CENPV: variants seen among roughly 807,000 people sequenced by gnomAD.
CENPV encodes the protein nuclear protein p30.
CENPV carries 15 observed loss-of-function variants against 26.4 expected under a neutral mutation model. That is an observed-to-expected ratio of 0.57 (90% CI 0.38 to 0.88). The LOEUF is 0.88. Ranked by LOEUF, CENPV falls within the 40% of genes least tolerant of loss-of-function variation. The pLI is 0.00. For missense variants in CENPV, 336 were observed against 376.5 expected (o/e 0.89, Z 0.89); for synonymous variants, 172 against 165.5 (o/e 1.04, Z -0.30).
At position 16,349,982 on chromosome 17, in the gene CENPV, G is replaced by T. The variant is rs1166007243; in HGVS notation, c.458C>A (p.Ala153Glu). 3.1e-6 allele frequency: 5 copies of T among 1,613,804 alleles called. No individual in the cohort carries two copies. The African/African-American group carries it at 5.3e-5, about 17-fold the overall frequency. ...TGAGGCCCAAACTTCAAAACGAACT[G>T]CTCCACAGTGGCAGCCTCCTGTGTG... ...VKHTGGCHCG[A>E]VRFEVWASAD... Residue 153 changes from alanine to glutamate, a missense_variant, in exon 2 of 5, where the codon GCA (alanine) becomes GAA (glutamate). Physicochemically the swap from Ala to Glu is moderately radical, Grantham distance 107 (BLOSUM62 -1). This residue lies in a region of CENPV where 155 missense variants were observed against 227.8 expected (regional missense o/e 0.68). Coordinates refer to ENST00000299736, the MANE Select transcript of CENPV (RefSeq NM_181716.3).
intron 1 of CENPV, among the ~76,000 whole-genome samples, chr17:16,352,240 C>T (rs2142903549): frequency 6.6e-6 from 1 of 152,322 alleles, no homozygotes; most frequent in East Asian, 1.9e-4. Context: ...AGGCAGGAAT[C>T]CAGATCGCAT....
rs780735851 is a variant in CENPV at position 16,353,360 on chromosome 17, G to A, written c.77C>T (p.Ala26Val). Reference sequence around the variant, plus strand: ...GGGTGCCAAGGCAGCGGCCGCGGAGGCCGCGGGGGCCGCGGAGGCCCCGGA... The same window carrying A: ...GGGTGCCAAGGCAGCGGCCGCGGAGACCGCGGGGGCCGCGGAGGCCCCGGA... ...KRSGASAAPA[A>V]SAAAALAPSA... The change falls in exon 1 of 5, where the codon GCC becomes GTC. Residue 26 changes from alanine to valine, a missense_variant. Physicochemically the swap from Ala to Val is moderately conservative, Grantham distance 64. Transcript: ENST00000299736. 1 of 1,241,748 alleles carries A rather than the reference G, an allele frequency of 8.1e-7. No individual in the cohort carries two copies. The highest frequency in any genetic ancestry group is 1.0e-6 in the Non-Finnish European group (1 of 997,968). 76.9% of individuals were successfully genotyped at this position (1,241,748 alleles called of 1,614,324 possible).
intron 4 of CENPV, 102 bp from the exon 5 acceptor site, chr17:16,343,043 T>TACA (rs1300354684): frequency 9.0e-6 from 12 of 1,327,640 alleles, no homozygotes; most frequent in Admixed American, 2.0e-5. Context: ...ATCATCACGC[T>TACA]ACACATTAGG....
chr17:16,344,409 A>C, intron 4 of CENPV, 188 bp downstream of exon 4: 1 of 351,116 alleles, frequency 2.8e-6, no homozygotes, highest in Non-Finnish European at 5.1e-6. Context: ...GGGATTCAGA[A>C]AAGTTTCACC....
rs757487167 is a variant in CENPV, at chr17:16,353,240, G to C, written c.197C>G (p.Ser66Trp). The C allele has an allele frequency of 9.3e-6, 13 of 1,401,992 alleles. No individual in the cohort carries two copies. The South Asian group carries it at 1.4e-4, about 15-fold the overall frequency. 86.8% of individuals were successfully genotyped at this position (1,401,992 alleles called of 1,614,324 possible). A position where few individuals can be genotyped will look rare whatever the true frequency, so the allele number is the denominator to read the frequency against. ...GCCCTCCTCCTGGGCCCGCGGCGAC[G>C]AGCGCCTCAGCCGCGGCTTCTCCGA... is the stretch of plus-strand genomic sequence containing the variant. The part of the protein sequence containing the change: ...PPSEKPRLRR[S>W]SPRAQEEGPG... Residue 66 changes from serine (S) to tryptophan (W), a missense_variant, in exon 1 of 5, where the codon TCG becomes TGG. By Grantham distance (177) the Ser-to-Trp change is radical. Coordinates refer to ENST00000299736, the MANE Select transcript of CENPV (RefSeq NM_181716.3).
At chr17:16,349,110 G>A in intron 2 of CENPV, 1 of 990,044 alleles carries the variant, frequency 1.0e-6, no homozygotes, top group Non-Finnish European at 1.2e-6. Context: ...AAGAAGTCCA[G>A]CTCCAAGTAA....
Position 16,345,065 on chromosome 17 carries a change from C to G in CENPV, c.580-354G>C, listed in dbSNP as rs1288283312. Among the ~76,000 whole-genome samples, 5 of 152,042 alleles carry G rather than the reference C, an allele frequency of 3.3e-5. No individual in the cohort carries two copies. In the East Asian group the frequency reaches 9.7e-4, roughly 29 times the overall value. Reference sequence around the variant, plus strand: ...GGATTACAGGTGTGAGCCACTGCGCCTGGCCCCAAAGACATTTATTTTTAT... The same window carrying G: ...GGATTACAGGTGTGAGCCACTGCGCGTGGCCCCAAAGACATTTATTTTTAT... On this transcript the variant is annotated intron_variant, in intron 3 of 4. Coordinates refer to ENST00000299736, the MANE Select transcript of CENPV (RefSeq NM_181716.3).
At chr17:16,348,448 T>C in intron 3 of CENPV, 168 bp downstream of exon 3, 1 of 1,441,140 alleles carries the variant, frequency 6.9e-7, no homozygotes, top group East Asian at 2.5e-5. Flanking sequence ...TGAGCCACTG[T>C]GCCGGGCCCA....
At chr17:16,350,143 C>A in intron 1 of CENPV, 114 bp from the exon 2 acceptor site, 1 of 1,279,172 alleles carries the variant, frequency 7.8e-7, no homozygotes, top group Non-Finnish European at 1.1e-6. Flanking sequence ...TACATGACAA[C>A]CAGATGCATT....
intron 1 of CENPV, 101 bp from the exon 2 acceptor site, chr17:16,350,130 T>C: frequency 7.1e-7 from 1 of 1,415,374 alleles, no homozygotes; most frequent in East Asian, 2.4e-5. Context: ...CAAAAGTCTT[T>C]TCTACATGAC....
At chr17:16,343,905 C>A (rs2093193640) in intron 4 of CENPV, among the ~76,000 whole-genome samples, 1 of 152,282 alleles carries the variant, frequency 6.6e-6, no homozygotes, top group South Asian at 2.1e-4. Flanking sequence ...CCCTTCAATT[C>A]ACACTATAGT....
chr17:16,348,500 C>G lies in CENPV; in HGVS notation c.579+116G>C, dbSNP rs1008527049. 7.1e-6 allele frequency: 11 copies of G among 1,547,876 alleles called. No individual in the cohort carries two copies. The Admixed American group carries it at 7.5e-5, about 10-fold the overall frequency. ...CTGAAACCAAAGCCCGTGAGAGGCC[C>G]TGCTATGCTCCAGGCCCCTCCCATG... On this transcript the variant is annotated intron_variant, in intron 3 of 4. Coordinates refer to ENST00000299736, the MANE Select transcript of CENPV (RefSeq NM_181716.3).
intron 1 of CENPV, among the ~76,000 whole-genome samples, chr17:16,352,044 C>T (rs981984810): frequency 6.6e-6 from 1 of 152,196 alleles, no homozygotes; most frequent in Non-Finnish European, 1.5e-5. Context: ...AAGAGAATTT[C>T]TTCCGCAAGA....
chr17:16,352,934 C>A, intron 1 of CENPV, 93 bp downstream of exon 1: 1 of 1,387,970 alleles, frequency 7.2e-7, no homozygotes. Context: ...AGCTGAAAGG[C>A]GCCCAAGGCC....
At chr17:16,352,588 C>T (rs2093232841) in intron 1 of CENPV, among the ~76,000 whole-genome samples, 2 of 152,186 alleles carry the variant, frequency 1.3e-5, no homozygotes, top group South Asian at 4.1e-4. Flanking sequence ...CCTTTCCCTT[C>T]CACCCACCCT....
At chr17:16,352,418 T>A (rs1274141518) in intron 1 of CENPV, among the ~76,000 whole-genome samples, 1 of 152,118 alleles carries the variant, frequency 6.6e-6, no homozygotes, top group Non-Finnish European at 1.5e-5. Flanking sequence ...TACGTAGGTA[T>A]CCCCGCCGCC....
chr17:16,349,613 T>C (rs1411691046), intron 2 of CENPV: 19 of 1,100,858 alleles, frequency 1.7e-5, no homozygotes, highest in Non-Finnish European at 2.1e-5. Flanking sequence ...TTCCACTCAG[T>C]ACCCAGCCAG....
Position 16,353,131 on chromosome 17 carries a change from C to A in CENPV, c.306G>T (p.Ser102=). 1 of 1,520,198 alleles carries A rather than the reference C, an allele frequency of 6.6e-7. No homozygotes were observed. Among genetic ancestry groups the A allele is most frequent in the South Asian group, 1.2e-5 (1 of 81,990 alleles). 94.2% of individuals were successfully genotyped at this position (1,520,198 alleles called of 1,614,324 possible). The change falls in exon 1 of 5, where the codon TCG becomes TCT. Residue 102 remains serine (S), a synonymous_variant. Transcript: ENST00000299736. The part of the protein sequence containing the change: ...PPPTPATPTS[S]ASNLDLGEQR... Reference sequence around the variant, plus strand: ...GCTCGCCCAGGTCCAGGTTGGACGCCGAGGACGTCGGGGTCGCGGGAGTCG... The same window carrying A: ...GCTCGCCCAGGTCCAGGTTGGACGCAGAGGACGTCGGGGTCGCGGGAGTCG...
chr17:16,348,473 A>G (rs2093216593), intron 3 of CENPV, 143 bp downstream of exon 3: 1 of 1,494,574 alleles, frequency 6.7e-7, no homozygotes, highest in Non-Finnish European at 8.9e-7. Flanking sequence ...TTAAATGTCA[A>G]CCTGAAACCA....
Sources: gnomAD v4.1 joint callset for allele counts (sites outside exome capture counted in the v4.1 genomes callset) on GRCh38, gnomAD v4.1.1 for gene constraint, gnomAD v4.1.1 regional missense constraint, MANE v1.5 for transcripts, NCBI Gene and HGNC (gene_info 2026-07-23, HGNC 2026-07-21) for gene names.